FLRT2: variants seen among roughly 807,000 people sequenced by gnomAD.
The protein encoded by FLRT2 is fibronectin leucine rich transmembrane protein 2, also known as leucine-rich repeat transmembrane protein FLRT2.
A neutral mutation model predicts 40.0 loss-of-function variants in FLRT2; 15 were observed. The observed-to-expected ratio is 0.38, with a 90% CI of 0.25 to 0.58. The LOEUF is 0.58. Ranked by LOEUF, FLRT2 falls within the 20% of genes least tolerant of loss-of-function variation. The pLI, the probability that FLRT2 is intolerant of heterozygous loss-of-function variation, is 0.71. For missense variants in FLRT2, 726 were observed against 840.0 expected, an observed-to-expected ratio of 0.86 and a Z score of 1.68; for synonymous variants, 380 against 336.8, an observed-to-expected ratio of 1.13 and a Z score of -1.41.
chr14:85,581,495 G>A (rs1891384466), intron 1 of FLRT2, among the ~76,000 whole-genome samples: 1 of 152,170 alleles, frequency 6.6e-6, no homozygotes. Context: ...GAGCAATATG[G>A]CGGTTGTTCC....
At chr14:85,554,650 G>C (rs926590107) in intron 1 of FLRT2, among the ~76,000 whole-genome samples, 1 of 152,150 alleles carries the variant, frequency 6.6e-6, no homozygotes, top group African/African-American at 2.4e-5. Context: ...TTGTAAAATT[G>C]AATTCACTGA....
At chr14:85,565,104 C>G (rs571385718) in intron 1 of FLRT2, among the ~76,000 whole-genome samples, 2 of 152,304 alleles carry the variant, frequency 1.3e-5, no homozygotes, top group African/African-American at 4.8e-5. Context: ...ATTTTCGTCA[C>G]CTCCATTCCT....
In FLRT2 at chr14:85,643,360, T is replaced by A. The variant is rs1894210920; in HGVS notation, c.*19863T>A. 7.6e-6 allele frequency: 1 copy of A among 131,650 alleles called. No homozygotes were observed. Among genetic ancestry groups the A allele is most frequent in the South Asian group, 2.7e-4 (1 of 3,640 alleles). The allele number at this position is 131,650 out of a possible 1,614,324, so 8.2% of individuals were successfully genotyped here. Reference sequence around the variant, plus strand: ...CTTTCTTTCTTTCTTTCTTTCTTCCTTCCTTCCTTCCTTCCTTTCTTTCCT... The same window carrying A: ...CTTTCTTTCTTTCTTTCTTTCTTCCATCCTTCCTTCCTTCCTTTCTTTCCT... On this transcript the variant is annotated 3_prime_UTR_variant, in exon 2 of 2. Coordinates refer to ENST00000330753, the MANE Select transcript of FLRT2 (RefSeq NM_013231.6).
At chr14:85,540,943 T>A (rs1353701802) in intron 1 of FLRT2, among the ~76,000 whole-genome samples, 1 of 152,186 alleles carries the variant, frequency 6.6e-6, no homozygotes, top group South Asian at 2.1e-4. Context: ...TAGGTATATA[T>A]GTGGGGAGTT....
intron 1 of FLRT2, among the ~76,000 whole-genome samples, chr14:85,574,415 T>A (rs1439410247): frequency 1.3e-5 from 2 of 152,162 alleles, no homozygotes; most frequent in Non-Finnish European, 1.5e-5. Context: ...CTTCATGCCA[T>A]AGAGCCAGGA....
At chr14:85,574,519 T>C (rs1595043404) in intron 1 of FLRT2, among the ~76,000 whole-genome samples, 1 of 152,142 alleles carries the variant, frequency 6.6e-6, no homozygotes, top group African/African-American at 2.4e-5. Context: ...CCCATTAAAA[T>C]GTATTGAGTC....
At position 85,614,235 on chromosome 14, in the gene FLRT2, A is replaced by G. The variant is rs1433252289; in HGVS notation, c.-376-6904A>G. Among the ~76,000 whole-genome samples, 7 of 152,332 alleles carry G rather than the reference A, an allele frequency of 4.6e-5. No individual in the cohort carries two copies. The East Asian group carries it at 1.4e-3, about 29-fold the overall frequency. ...TTCAGGTCCTCTGTCTCCAGAGCCC[A>G]GCTCTTGCTCATAACACCTTTTCTA... On this transcript the variant is annotated intron_variant, in intron 1 of 1. Coordinates refer to ENST00000330753, the MANE Select transcript of FLRT2 (RefSeq NM_013231.6).
At chr14:85,597,943 T>C (rs973173138) in intron 1 of FLRT2, among the ~76,000 whole-genome samples, 1 of 152,178 alleles carries the variant, frequency 6.6e-6, no homozygotes, top group East Asian at 1.9e-4. Context: ...CACAAAGTGG[T>C]TTATTTACAG....
chr14:85,539,103 C>T (rs888888140), intron 1 of FLRT2, among the ~76,000 whole-genome samples: 4 of 152,000 alleles, frequency 2.6e-5, no homozygotes, highest in Admixed American at 2.6e-4. Context: ...AGAGCACATT[C>T]GTATCCACCC....
intron 1 of FLRT2, among the ~76,000 whole-genome samples, chr14:85,571,458 T>C (rs1595039876): frequency 6.6e-6 from 1 of 152,288 alleles, no homozygotes; most frequent in Non-Finnish European, 1.5e-5. Flanking sequence ...GATGTAGACA[T>C]AAGGAAGAAG....
rs1555373563 is a variant in FLRT2 at position 85,643,346 on chromosome 14, T to TTCCTTCCTTC, written c.*19849_*19850insTCCTTCCTTC. 6.0e-3 allele frequency: 351 copies of TTCCTTCCTTC among 58,184 alleles called. 7 individuals carry two copies. Among genetic ancestry groups the TTCCTTCCTTC allele is most frequent in the African/African-American group, 0.017 (281 of 16,590 alleles). The allele number at this position is 58,184 out of a possible 1,614,324, so 3.6% of individuals were successfully genotyped here. On this transcript the variant is annotated 3_prime_UTR_variant, in exon 2 of 2. Coordinates refer to ENST00000330753, the MANE Select transcript of FLRT2 (RefSeq NM_013231.6). ...TTCTTTCTTTCTTTCTTTCTTTCTT[T>TTCCTTCCTTC]CTTTCTTTCTTCCTTCCTTCCTTCC...
intron 1 of FLRT2, among the ~76,000 whole-genome samples, chr14:85,549,522 T>A (rs141679771): frequency 1.3e-5 from 2 of 152,148 alleles, no homozygotes; most frequent in East Asian, 3.9e-4. Flanking sequence ...AGATATAGAG[T>A]GAACATAGAG....
chr14:85,608,117 T>C (rs2139346159), intron 1 of FLRT2, among the ~76,000 whole-genome samples: 1 of 152,286 alleles, frequency 6.6e-6, no homozygotes, highest in South Asian at 2.1e-4. Flanking sequence ...TCTCCAAATA[T>C]AGTCACATTC....
intron 1 of FLRT2, among the ~76,000 whole-genome samples, chr14:85,534,602 T>C (rs1344163756): frequency 6.6e-6 from 1 of 151,838 alleles, no homozygotes; most frequent in African/African-American, 2.4e-5. Flanking sequence ...ACTGTCCGTA[T>C]GTGTGTCTGT....
rs377718159 is a variant in FLRT2 at position 85,635,795 on chromosome 14, A to G, written c.*12298A>G. On this transcript the variant is annotated 3_prime_UTR_variant, in exon 2 of 2. Transcript: ENST00000330753. ...AGACCTTCAATACTTTTATAAAACC[A>G]CTACTTAGCAGCTAACAATGAAATG... The G allele has an allele frequency of 2.6e-4, 40 of 152,272 alleles. No homozygotes were observed. In the East Asian group the frequency reaches 7.1e-3, roughly 27 times the overall value. 9.4% of individuals were successfully genotyped at this position (152,272 alleles called of 1,614,324 possible). A position where few individuals can be genotyped will look rare whatever the true frequency, so the allele number is the denominator to read the frequency against.
In FLRT2 at chr14:85,623,164, G is replaced by T. The variant is rs17646495; in HGVS notation, c.1650G>T (p.Ala550=). ...PFLLAGLIGG[A]VIFVLVVLLS... is the part of the protein sequence containing the mutation. Reference sequence around the variant, plus strand: ...TGCTGGCGGGCTTGATCGGGGGCGCGGTGATATTTGTGCTGGTGGTCTTGC... The same window carrying T: ...TGCTGGCGGGCTTGATCGGGGGCGCTGTGATATTTGTGCTGGTGGTCTTGC... Residue 550 remains alanine, a synonymous_variant, in exon 2 of 2, where the codon GCG becomes GCT. Transcript: ENST00000330753. The T allele has an allele frequency of 0.03, 46,909 of 1,578,992 alleles. 1,035 individuals carry two copies. The highest frequency in any genetic ancestry group is 0.086 in the South Asian group (7,268 of 85,000).
At chr14:85,530,736 T>C (rs1447725275) in intron 1 of FLRT2, among the ~76,000 whole-genome samples, 1 of 152,114 alleles carries the variant, frequency 6.6e-6, no homozygotes, top group East Asian at 1.9e-4. Flanking sequence ...GGGACATCTG[T>C]CTGCTGGTCG....
chr14:85,547,523 C>T (rs2139819308), intron 1 of FLRT2, among the ~76,000 whole-genome samples: 1 of 152,058 alleles, frequency 6.6e-6, no homozygotes, highest in South Asian at 2.1e-4. Flanking sequence ...GGGGTTTCAC[C>T]ACGTTGGCCA....
chr14:85,573,241 C>A (rs576424011), intron 1 of FLRT2, among the ~76,000 whole-genome samples: 63 of 152,008 alleles, frequency 4.1e-4, no homozygotes, highest in African/African-American at 1.3e-3. Flanking sequence ...CCTCCCTCTC[C>A]CACCCCTTCA....
Sources: allele counts gnomAD v4.1 joint callset (sites outside exome capture counted in the v4.1 genomes callset), GRCh38; gene constraint gnomAD v4.1.1; transcripts MANE v1.5; gene names NCBI Gene and HGNC (gene_info 2026-07-23, HGNC 2026-07-21).